CPNE4: variants seen among roughly 807,000 people sequenced by gnomAD.
CPNE4 encodes copine-4.
In CPNE4, 25 loss-of-function variants were observed where a neutral mutation model predicts 67.9. The ratio of observed to expected loss-of-function variants is 0.37; its 90% CI spans 0.27 to 0.51. The LOEUF (loss-of-function observed/expected upper bound fraction) is 0.51, where lower values mean the gene tolerates loss of function less well. Ranked by LOEUF, CPNE4 falls within the 20% of genes least tolerant of loss-of-function variation. The pLI is 0.93. For synonymous variants in CPNE4, 242 were observed against 244.9 expected (o/e 0.99, Z 0.11); for missense variants, 464 against 690.8 (o/e 0.67, Z 3.68).
At chr3:131,981,434 C>A (rs1332257784) in intron 1 of CPNE4, among the ~76,000 whole-genome samples, 4 of 152,002 alleles carry the variant, frequency 2.6e-5, no homozygotes, top group African/African-American at 9.7e-5. Context: ...CGGATTATGG[C>A]CGCCTCTTCT....
At chr3:131,852,987 G>A (rs1041204126) in intron 2 of CPNE4, among the ~76,000 whole-genome samples, 2 of 151,744 alleles carry the variant, frequency 1.3e-5, no homozygotes, top group Non-Finnish European at 2.9e-5. Context: ...AATGTAACAT[G>A]TTAAGATGTC....
chr3:131,813,407 CG>C, intron 2 of CPNE4, among the ~76,000 whole-genome samples: 1 of 148,814 alleles, frequency 6.7e-6, no homozygotes, highest in South Asian at 2.1e-4. Flanking sequence ...TATATACAAA[CG>C]TATATATGTA....
At chr3:131,977,080 A>G (rs1039246111) in intron 1 of CPNE4, among the ~76,000 whole-genome samples, 3 of 152,156 alleles carry the variant, frequency 2.0e-5, no homozygotes, top group African/African-American at 7.2e-5. Flanking sequence ...GATTACAGGC[A>G]TGAGCCACTG....
chr3:131,952,680 G>A (rs865983848), intron 1 of CPNE4, among the ~76,000 whole-genome samples: 8,395 of 148,506 alleles, frequency 0.057, 456 homozygotes, highest in African/African-American at 0.14. Context: ...GCCTCTGCCC[G>A]GCCGCCCCTA....
At chr3:131,769,566 T>C (rs1381794672) in intron 2 of CPNE4, among the ~76,000 whole-genome samples, 2 of 152,136 alleles carry the variant, frequency 1.3e-5, no homozygotes, top group Admixed American at 6.5e-5. Context: ...ATAACCTGTA[T>C]AGGAGGCGAG....
intron 1 of CPNE4, among the ~76,000 whole-genome samples, chr3:131,921,216 T>C (rs2070732276): frequency 6.6e-6 from 1 of 152,206 alleles, no homozygotes; most frequent in South Asian, 2.1e-4. Context: ...CCAACTGGAT[T>C]AGAACACCAG....
upstream of CPNE4, among the ~76,000 whole-genome samples, chr3:132,038,562 A>C (rs1560828813): frequency 6.6e-6 from 1 of 152,186 alleles, no homozygotes; most frequent in Non-Finnish European, 1.5e-5. Context: ...GCTCTGTATA[A>C]TTTCAGAGCA....
At chr3:131,847,932 G>A (rs2107635573) in intron 2 of CPNE4, among the ~76,000 whole-genome samples, 1 of 152,228 alleles carries the variant, frequency 6.6e-6, no homozygotes, top group Middle Eastern at 3.4e-3. Flanking sequence ...GTGCAACTGT[G>A]GCTCTGCACA....
chr3:131,845,338 C>T (rs530548439), intron 2 of CPNE4, among the ~76,000 whole-genome samples: 66 of 152,244 alleles, frequency 4.3e-4, no homozygotes, highest in African/African-American at 1.4e-3. Context: ...AACAGGAAAT[C>T]GGTGCTTAAA....
At chr3:131,970,873 C>A (rs569613516) in intron 1 of CPNE4, among the ~76,000 whole-genome samples, 8 of 152,344 alleles carry the variant, frequency 5.3e-5, no homozygotes, top group African/African-American at 1.9e-4. Context: ...AGGGTAGCAG[C>A]ATTTCCCAAT....
chr3:131,829,932 A>G (rs931644459), intron 2 of CPNE4, among the ~76,000 whole-genome samples: 10 of 152,340 alleles, frequency 6.6e-5, no homozygotes, highest in African/African-American at 2.2e-4. Flanking sequence ...ATACAAATAC[A>G]CACATACACA....
chr3:131,647,731 G>A (rs948038457), intron 7 of CPNE4, among the ~76,000 whole-genome samples: 1 of 152,060 alleles, frequency 6.6e-6, no homozygotes, highest in Non-Finnish European at 1.5e-5. Flanking sequence ...TGGCTGATGG[G>A]AAAAAATTAC....
chr3:131,964,243 G>T (rs2072273170), intron 1 of CPNE4, among the ~76,000 whole-genome samples: 1 of 152,150 alleles, frequency 6.6e-6, no homozygotes, highest in African/African-American at 2.4e-5. Flanking sequence ...ATCAAAGGTA[G>T]ATAAATCCAC....
intron 7 of CPNE4, among the ~76,000 whole-genome samples, chr3:131,627,885 G>A (rs1171258627): frequency 6.6e-6 from 1 of 152,160 alleles, no homozygotes; most frequent in Non-Finnish European, 1.5e-5. Context: ...AAAGAAAATA[G>A]TTTCTTGAGA....
intron 2 of CPNE4, among the ~76,000 whole-genome samples, chr3:131,754,237 G>A (rs1484123541): frequency 3.3e-5 from 5 of 151,972 alleles, no homozygotes; most frequent in Admixed American, 6.6e-5. Context: ...ATATTATTTT[G>A]TGTGTCAATA....
chr3:131,890,004 A>C (rs1488760005), intron 2 of CPNE4, among the ~76,000 whole-genome samples: 2 of 149,418 alleles, frequency 1.3e-5, no homozygotes, highest in East Asian at 3.8e-4. Flanking sequence ...AAAATATAGA[A>C]AAAAATTATC....
chr3:132,036,722 C>T (rs908768728), upstream of CPNE4, among the ~76,000 whole-genome samples: 6 of 152,216 alleles, frequency 3.9e-5, no homozygotes, highest in South Asian at 2.1e-4. Flanking sequence ...TCTGTTTTGT[C>T]GTCTTGTTCA....
chr3:131,741,888 A>G (rs1225180802), intron 2 of CPNE4, among the ~76,000 whole-genome samples: 1 of 152,162 alleles, frequency 6.6e-6, no homozygotes, highest in Non-Finnish European at 1.5e-5. Flanking sequence ...GAAGATAATT[A>G]TTGGAAACAT....
At chr3:131,956,187 A>G (rs1307577022) in intron 1 of CPNE4, among the ~76,000 whole-genome samples, 1 of 152,216 alleles carries the variant, frequency 6.6e-6, no homozygotes, top group Admixed American at 6.5e-5. Context: ...TTTTACTGTC[A>G]GTATCCGGTT....
Sources: allele counts gnomAD v4.1 joint callset (sites outside exome capture counted in the v4.1 genomes callset), GRCh38; gene constraint gnomAD v4.1.1; transcripts MANE v1.5; gene names NCBI Gene and HGNC (gene_info 2026-07-23, HGNC 2026-07-21).